LARGE1: variants seen among roughly 807,000 people sequenced by gnomAD.
LARGE1 encodes the protein xylosyl- and glucuronyltransferase LARGE1.
Under a neutral mutation model 87.6 loss-of-function variants are expected in LARGE1, and 43 were observed. That is an observed-to-expected ratio of 0.49 (90% CI 0.38 to 0.63). LARGE1 has a LOEUF of 0.63. Ranked by LOEUF, LARGE1 falls within the 30% of genes least tolerant of loss-of-function variation. The pLI, the probability that LARGE1 is intolerant of heterozygous loss-of-function variation, is 0.00. For missense variants in LARGE1, 802 were observed against 1,000.2 expected, an observed-to-expected ratio of 0.80 and a Z score of 2.67; for synonymous variants, 434 against 394.6, an observed-to-expected ratio of 1.10 and a Z score of -1.18.
chr22:33,745,151 T>C (rs192844201), intron 2 of LARGE1, among the ~76,000 whole-genome samples: 1 of 152,336 alleles, frequency 6.6e-6, no homozygotes, highest in African/African-American at 2.4e-5. Context: ...CAAGGGTCTC[T>C]TTCTGATGAC....
intron 2 of LARGE1, among the ~76,000 whole-genome samples, chr22:33,731,463 G>A (rs115721607): frequency 0.012 from 1,876 of 152,242 alleles, 36 homozygotes; most frequent in African/African-American, 0.043. Flanking sequence ...AGTTGTATTC[G>A]TCAGAGCTGT....
intron 12 of LARGE1, among the ~76,000 whole-genome samples, chr22:33,303,358 C>G (rs1169208389): frequency 6.6e-6 from 1 of 152,098 alleles, no homozygotes; most frequent in African/African-American, 2.4e-5. Flanking sequence ...TAACCCCGGG[C>G]CAACGGCTCC....
At chr22:33,302,290 A>G (rs1934253050) in intron 12 of LARGE1, among the ~76,000 whole-genome samples, 1 of 152,212 alleles carries the variant, frequency 6.6e-6, no homozygotes, top group South Asian at 2.1e-4. Context: ...CCATTTCTGC[A>G]GCCTGGTGGG....
chr22:33,356,975 A>C (rs879449296), intron 9 of LARGE1, among the ~76,000 whole-genome samples: 4 of 152,192 alleles, frequency 2.6e-5, no homozygotes, highest in African/African-American at 9.7e-5. Context: ...CAAAGAACTA[A>C]AAACAGAGCT....
chr22:33,406,942 G>A (rs1264262845), intron 7 of LARGE1, among the ~76,000 whole-genome samples: 3 of 151,922 alleles, frequency 2.0e-5, no homozygotes, highest in Non-Finnish European at 4.4e-5. Flanking sequence ...ACAGGCACCC[G>A]CCACCACGCC....
At chr22:33,422,201 C>CA (rs1264909873) in intron 7 of LARGE1, among the ~76,000 whole-genome samples, 6 of 152,214 alleles carry the variant, frequency 3.9e-5, no homozygotes, top group Non-Finnish European at 5.9e-5. Flanking sequence ...ATGAAAAATG[C>CA]ACCCACATAA....
At chr22:33,621,126 T>C (rs1602756717) in intron 4 of LARGE1, among the ~76,000 whole-genome samples, 1 of 152,232 alleles carries the variant, frequency 6.6e-6, no homozygotes, top group East Asian at 1.9e-4. Context: ...TAAGCATTGC[T>C]TCATGGTATG....
intron 7 of LARGE1, among the ~76,000 whole-genome samples, chr22:33,411,841 T>C (rs181561071): frequency 1.3e-4 from 20 of 152,356 alleles, no homozygotes; most frequent in African/African-American, 4.8e-4. Context: ...TGTATTAATG[T>C]AGAAGACGCC....
chr22:33,268,279 G>A (rs567140938), downstream of LARGE1, among the ~76,000 whole-genome samples: 34 of 151,062 alleles, frequency 2.3e-4, no homozygotes, highest in African/African-American at 6.4e-4. Flanking sequence ...TTCTTACATC[G>A]CCGTTTTGAT....
At chr22:33,623,136 G>A (rs1235208034) in intron 4 of LARGE1, among the ~76,000 whole-genome samples, 9 of 148,460 alleles carry the variant, frequency 6.1e-5, no homozygotes, top group Admixed American at 4.0e-4. Flanking sequence ...TAGAAAGTGG[G>A]CTTTTTTTTT....
chr22:33,460,662 C>T (rs1302570743), intron 6 of LARGE1, among the ~76,000 whole-genome samples: 1 of 152,090 alleles, frequency 6.6e-6, no homozygotes, highest in Non-Finnish European at 1.5e-5. Flanking sequence ...GCCTGCCTAT[C>T]CCTACTGGAA....
At chr22:33,912,899 C>T (rs972860727) in intron 1 of LARGE1, among the ~76,000 whole-genome samples, 7 of 150,794 alleles carry the variant, frequency 4.6e-5, no homozygotes, top group Admixed American at 3.3e-4. Flanking sequence ...GCTGTGATCT[C>T]GGCTCACTGT....
the LARGE1 span, among the ~76,000 whole-genome samples, chr22:33,074,872 T>A: frequency 6.6e-6 from 1 of 152,162 alleles, no homozygotes; most frequent in Admixed American, 6.5e-5. Flanking sequence ...ATTTACTGAG[T>A]TTTTATTCTG....
intron 11 of LARGE1, among the ~76,000 whole-genome samples, chr22:33,243,863 C>T (rs1457059664): frequency 2.6e-5 from 4 of 152,200 alleles, no homozygotes; most frequent in Non-Finnish European, 4.4e-5. Flanking sequence ...GCGTTAGGGA[C>T]TTACCCATGG....
chr22:33,837,666 C>T (rs2063149126), intron 1 of LARGE1, among the ~76,000 whole-genome samples: 1 of 152,232 alleles, frequency 6.6e-6, no homozygotes, highest in African/African-American at 2.4e-5. Flanking sequence ...GGAAGAAGAG[C>T]TGACCCAGGT....
intron 9 of LARGE1, among the ~76,000 whole-genome samples, chr22:33,357,770 C>A (rs12158697): frequency 6.6e-6 from 1 of 151,744 alleles, no homozygotes; most frequent in Admixed American, 6.6e-5. Context: ...CTCCAGCCCA[C>A]GCAATAAGAG....
downstream of LARGE1, among the ~76,000 whole-genome samples, chr22:33,267,724 C>A (rs557785326): frequency 1.3e-5 from 2 of 151,250 alleles, no homozygotes; most frequent in Non-Finnish European, 2.9e-5. Context: ...GGCCTCTATG[C>A]GCTCCCATTG....
chr22:33,223,638 G>A lies in LARGE1; in HGVS notation c.1731-56806C>T, dbSNP rs544430509. Among the ~76,000 whole-genome samples the A allele has an allele frequency of 7.9e-5, 12 of 152,236 alleles. No individual in the cohort carries two copies. The South Asian group carries it at 1.5e-3, about 18-fold the overall frequency. ...CATATGCCACATTTCTCTCTCCCTC[G>A]TTCAACAGAAGCAGCCCTCATGCAA... is the stretch of plus-strand genomic sequence containing the variant. On this transcript the variant is annotated intron_variant, in intron 11 of 11. Transcript: ENST00000608642.
chr22:33,779,351 C>T (rs1454687608), intron 1 of LARGE1, among the ~76,000 whole-genome samples: 2 of 152,078 alleles, frequency 1.3e-5, no homozygotes, highest in Non-Finnish European at 2.9e-5. Flanking sequence ...AACCACAGCT[C>T]AGGGTAGGTT....
Sources: gnomAD v4.1 joint callset for allele counts (sites outside exome capture counted in the v4.1 genomes callset) on GRCh38, gnomAD v4.1.1 for gene constraint, MANE v1.5 for transcripts, NCBI Gene and HGNC (gene_info 2026-07-23, HGNC 2026-07-21) for gene names.